The following PRL variants were observed in gnomAD, a reference collection of about 807,000 sequenced individuals.
PRL encodes decidual prolactin.
PRL carries 24 observed loss-of-function variants against 21.3 expected under a neutral mutation model. The observed-to-expected ratio is 1.13, with a 90% CI of 0.82 to 1.59. The LOEUF (loss-of-function observed/expected upper bound fraction) is 1.59. Among genes scored for constraint, PRL ranks in the 40% most tolerant of loss-of-function variants. PRL has a pLI of 0.00. For missense variants in PRL, 243 were observed against 286.9 expected, an observed-to-expected ratio of 0.85 and a Z score of 1.10; for synonymous variants, 118 against 115.7, an observed-to-expected ratio of 1.02 and a Z score of -0.13.
At chr6:22,291,073 C>T (rs1228455781) in intron 3 of PRL, 1 of 152,136 alleles carries the variant, frequency 6.6e-6, no homozygotes, top group Admixed American at 6.5e-5. Flanking sequence ...CTTACTACCA[C>T]GATCGTGTAG....
At position 22,288,416 on chromosome 6, in the gene PRL, TC is replaced by T. The variant is rs1263680373; in HGVS notation, c.493-824del. Among the ~76,000 whole-genome samples the T allele has an allele frequency of 2.6e-5, 4 of 152,014 alleles. No individual in the cohort carries two copies. The highest frequency in any genetic ancestry group is 4.4e-5 in the Non-Finnish European group (3 of 68,012). ...CGTGCCTATTGGTGCACGCCTGTTG[TC>T]CCAGCTACTTGGGAGGCTGAGGCAT... On this transcript the variant is annotated intron_variant, in intron 4 of 4. Transcript: ENST00000306482. The surrounding 1 kb of genome is among the most constrained non-coding windows in gnomAD (Gnocchi z 4.5).
rs1422009179 is a variant in PRL at position 22,287,392 on chromosome 6, G to C, written c.*10C>G. ...GGACCTTCTCAGAAATAGATGAAAT[G>C]GATGTGGGCTTAGCAGTTGTTGTTG... is the stretch of plus-strand genomic sequence containing the variant. On this transcript the variant is annotated 3_prime_UTR_variant, in exon 5 of 5. Coordinates refer to ENST00000306482, the MANE Select transcript of PRL (RefSeq NM_000948.6). The C allele has an allele frequency of 6.2e-7, 1 of 1,603,624 alleles. No individual in the cohort carries two copies. Among genetic ancestry groups the C allele is most frequent in the African/African-American group, 1.3e-5 (1 of 74,896 alleles).
At position 22,296,996 on chromosome 6, in the gene PRL, G is replaced by T; in HGVS notation, c.-14C>A. The T allele has an allele frequency of 6.2e-7, 1 of 1,613,806 alleles. No homozygotes were observed. Among genetic ancestry groups the T allele is most frequent in the Non-Finnish European group, 8.5e-7 (1 of 1,179,850 alleles). On this transcript the variant is annotated 5_prime_UTR_variant, in exon 1 of 5. Transcript: ENST00000306482. ...TTTGATGTTCATGTTCGTGATCGTTGCAGGAAACACACTTCACCAGAGAAG... is the reference window on the plus strand; with the variant it reads ...TTTGATGTTCATGTTCGTGATCGTTTCAGGAAACACACTTCACCAGAGAAG...
At chr6:22,290,426 T>C in intron 3 of PRL, 73 bp from the exon 4 acceptor site, 3 of 1,251,630 alleles carry the variant, frequency 2.4e-6, no homozygotes, top group Middle Eastern at 2.3e-4. Context: ...TGATTTTTGC[T>C]TAGAGAGGCT....
intron 1 of PRL, among the ~76,000 whole-genome samples, chr6:22,295,627 C>T (rs889267804): frequency 7.2e-5 from 11 of 152,154 alleles, no homozygotes; most frequent in African/African-American, 2.7e-4. Context: ...CATCAATTTG[C>T]TATCTCAGCA....
intron 2 of PRL, among the ~76,000 whole-genome samples, chr6:22,292,879 T>A (rs1371721573): frequency 5.9e-5 from 9 of 152,232 alleles, no homozygotes; most frequent in Admixed American, 5.2e-4. Flanking sequence ...TTTCCTTCTT[T>A]GCAATTCCCT....
At chr6:22,299,003 T>C (rs976680222), upstream of PRL, among the ~76,000 whole-genome samples, 2 of 152,208 alleles carry the variant, frequency 1.3e-5, no homozygotes, top group Admixed American at 1.3e-4. Flanking sequence ...TGCTGCTCCA[T>C]AGCCCCACAT....
Position 22,287,353 on chromosome 6 carries a change from G to T in PRL, c.*49C>A. ...ATACAACTAAAAGAAGCTTGCAATG[G>T]AACGGATCATTAAGGACCTTCTCAG... On this transcript the variant is annotated 3_prime_UTR_variant, in exon 5 of 5. Coordinates refer to ENST00000306482, the MANE Select transcript of PRL (RefSeq NM_000948.6). 1.3e-6 allele frequency: 2 copies of T among 1,530,148 alleles called. No homozygotes were observed. Among genetic ancestry groups the T allele is most frequent in the South Asian group, 1.2e-5 (1 of 80,914 alleles). The allele number at this position is 1,530,148 out of a possible 1,614,324, so 94.8% of individuals were successfully genotyped here.
intron 3 of PRL, among the ~76,000 whole-genome samples, chr6:22,291,240 G>T (rs1761042752): frequency 2.0e-5 from 3 of 149,720 alleles, no homozygotes; most frequent in African/African-American, 7.4e-5. Flanking sequence ...GCTATAAAGA[G>T]GTACAGGTCA....
chr6:22,290,158 C>T lies in PRL; in HGVS notation c.492+16G>A. 1 of 1,544,498 alleles carries T rather than the reference C, an allele frequency of 6.5e-7. No individual in the cohort carries two copies. The highest frequency in any genetic ancestry group is 1.2e-5 in the South Asian group (1 of 82,262). ...TATTAATGAGAAAAACAAAGAAGCA[C>T]CAGGAGGCTGCTCACCTGGCTGACT... On this transcript the variant is annotated intron_variant, in intron 4 of 4. Coordinates refer to ENST00000306482, the MANE Select transcript of PRL (RefSeq NM_000948.6).
chr6:22,287,826 T>TAAC (rs1760954962), intron 4 of PRL, among the ~76,000 whole-genome samples: 1 of 152,212 alleles, frequency 6.6e-6, no homozygotes, highest in South Asian at 2.1e-4. Flanking sequence ...AGATGAAGTA[T>TAAC]GTTTTTGCAG....
chr6:22,294,206 T>C (rs1450541849), intron 2 of PRL, among the ~76,000 whole-genome samples: 1 of 152,234 alleles, frequency 6.6e-6, no homozygotes, highest in Non-Finnish European at 1.5e-5. Context: ...ATTTAAGTCA[T>C]TACATTCTTT....
intron 1 of PRL, among the ~76,000 whole-genome samples, chr6:22,294,902 A>C (rs2113512642): frequency 6.6e-6 from 1 of 152,252 alleles, no homozygotes; most frequent in Middle Eastern, 3.4e-3. Flanking sequence ...CATTCTCTTA[A>C]GATAGTTTAA....
chr6:22,295,478 T>A (rs1254801434), intron 1 of PRL, among the ~76,000 whole-genome samples: 3 of 152,186 alleles, frequency 2.0e-5, no homozygotes, highest in African/African-American at 7.2e-5. Flanking sequence ...GTTGTTGCTG[T>A]CACTTTTAAA....
intron 4 of PRL, among the ~76,000 whole-genome samples, chr6:22,289,546 C>A (rs774887937): frequency 6.6e-6 from 1 of 152,126 alleles, no homozygotes; most frequent in Non-Finnish European, 1.5e-5. Flanking sequence ...TAGAATGAGA[C>A]AACTTTCTAT....
intron 2 of PRL, 57 bp downstream of exon 2, chr6:22,294,352 G>C: frequency 6.3e-7 from 1 of 1,596,408 alleles, no homozygotes; most frequent in Non-Finnish European, 8.6e-7. Context: ...ATGTAGCAGA[G>C]CCCAGTAGTT....
upstream of PRL, among the ~76,000 whole-genome samples, chr6:22,301,441 G>A (rs1448728081): frequency 1.3e-5 from 2 of 152,178 alleles, no homozygotes; most frequent in Non-Finnish European, 2.9e-5. Flanking sequence ...TGGTGAGACT[G>A]TAGGGGTTGA....
At chr6:22,293,114 A>G (rs781502434) in intron 2 of PRL, among the ~76,000 whole-genome samples, 3 of 152,216 alleles carry the variant, frequency 2.0e-5, no homozygotes, top group Non-Finnish European at 4.4e-5. Flanking sequence ...TTATAAAATC[A>G]TAACTTTTCT....
intron 1 of PRL, among the ~76,000 whole-genome samples, chr6:22,296,213 G>A (rs1284408830): frequency 6.6e-6 from 1 of 152,100 alleles, no homozygotes; most frequent in Non-Finnish European, 1.5e-5. Context: ...AGCCCAAAAC[G>A]AGATAAAATA....
Sources: allele counts gnomAD v4.1 joint callset (sites outside exome capture counted in the v4.1 genomes callset), GRCh38; gene constraint gnomAD v4.1.1; non-coding constraint Gnocchi (gnomAD v3.1); transcripts MANE v1.5; gene names NCBI Gene and HGNC (gene_info 2026-07-23, HGNC 2026-07-21).